C2orf76: variants seen among roughly 807,000 people sequenced by gnomAD.
C2orf76 encodes the protein chromosome 2 open reading frame 76.
C2orf76 carries 23 observed loss-of-function variants against 16.9 expected under a neutral mutation model. The ratio of observed to expected loss-of-function variants is 1.36; its 90% confidence interval spans 0.98 to 1.93. The LOEUF (loss-of-function observed/expected upper bound fraction) is 1.93. Ranked by LOEUF, C2orf76 falls within the 30% of genes most tolerant of loss-of-function variation. The pLI, the probability that C2orf76 is intolerant of heterozygous loss-of-function variation, is 0.00. For synonymous variants in C2orf76, 48 were observed against 52.3 expected (o/e 0.92, Z 0.35); for missense variants, 152 against 152.6 (o/e 1.00, Z 0.02).
intron 1 of C2orf76, among the ~76,000 whole-genome samples, chr2:119,343,475 TACACACACACACAC>T (rs59651595): frequency 7.5e-5 from 11 of 146,060 alleles, no homozygotes; most frequent in East Asian, 2.1e-4. Flanking sequence ...CACCTATACC[TACACACACACACAC>T]ACACACACAC....
At chr2:119,296,909 C>A in the C2orf76 span, among the ~76,000 whole-genome samples, 4,779 of 152,336 alleles carry the variant, frequency 0.031, 92 homozygotes, top group South Asian at 0.079. Flanking sequence ...TAGTGCCCAA[C>A]TCCCTTTGTT....
At chr2:119,296,364 A>G in the C2orf76 span, among the ~76,000 whole-genome samples, 3 of 152,188 alleles carry the variant, frequency 2.0e-5, no homozygotes, top group African/African-American at 7.2e-5. Context: ...ACTGCCCAGA[A>G]CCAATAATCA....
At chr2:119,339,078 C>G (rs1679941900) in intron 2 of C2orf76, 1 of 152,142 alleles carries the variant, frequency 6.6e-6, no homozygotes, top group African/African-American at 2.4e-5. Context: ...CTTGTTCTTG[C>G]AACTTGTCTA....
intron 2 of C2orf76, among the ~76,000 whole-genome samples, chr2:119,325,106 C>G (rs1474781070): frequency 6.6e-6 from 1 of 151,940 alleles, no homozygotes; most frequent in East Asian, 1.9e-4. Context: ...GAGTTCAAGG[C>G]AGGAGGATCG....
At chr2:119,313,994 G>A (rs952598715) in intron 4 of C2orf76, among the ~76,000 whole-genome samples, 1 of 73,252 alleles carries the variant, frequency 1.4e-5, no homozygotes, top group Non-Finnish European at 2.9e-5. Context: ...CTTTTCATTT[G>A]TTCCTTGCTT....
intron 2 of C2orf76, among the ~76,000 whole-genome samples, chr2:119,326,009 C>A (rs1395041682): frequency 1.3e-5 from 2 of 152,150 alleles, no homozygotes; most frequent in Non-Finnish European, 2.9e-5. Flanking sequence ...GTATGTTTTA[C>A]AAATATCTTC....
chr2:119,351,760 A>AG (rs200925129), intron 1 of C2orf76, among the ~76,000 whole-genome samples: 7 of 146,566 alleles, frequency 4.8e-5, no homozygotes, highest in Admixed American at 1.4e-4. Context: ...ATCCTGTCTC[A>AG]AAAAAAAAAA....
intron 4 of C2orf76, among the ~76,000 whole-genome samples, chr2:119,316,327 A>G (rs1679172481): frequency 6.6e-6 from 1 of 152,212 alleles, no homozygotes; most frequent in African/African-American, 2.4e-5. Context: ...TTCACAATGG[A>G]TATTGTAAAA....
chr2:119,300,648 A>AC (rs1283954452), downstream of C2orf76, among the ~76,000 whole-genome samples: 1 of 152,232 alleles, frequency 6.6e-6, no homozygotes, highest in African/African-American at 2.4e-5. Flanking sequence ...CATTTAATAC[A>AC]CCTAACCTAT....
intron 1 of C2orf76, chr2:119,366,238 G>A (rs1017310228): frequency 1.4e-5 from 5 of 370,202 alleles, no homozygotes; most frequent in Non-Finnish European, 2.1e-5. Context: ...AACAGTGCAA[G>A]TTACCCAACA....
chr2:119,366,515 G>GACC (rs1335146689), intron 1 of C2orf76: 1 of 471,494 alleles, frequency 2.1e-6, no homozygotes, highest in African/African-American at 2.0e-5. Flanking sequence ...GCTCATCAGG[G>GACC]ACCATCTCCG....
chr2:119,361,652 A>T (rs1007904351), intron 1 of C2orf76, among the ~76,000 whole-genome samples: 1 of 152,084 alleles, frequency 6.6e-6, no homozygotes, highest in African/African-American at 2.4e-5. Context: ...GCATCCATGG[A>T]TTTTTGGCAT....
At chr2:119,321,947 A>G (rs1469544109) in intron 2 of C2orf76, among the ~76,000 whole-genome samples, 1 of 152,002 alleles carries the variant, frequency 6.6e-6, no homozygotes, top group Non-Finnish European at 1.5e-5. Context: ...ATGATCTAGA[A>G]CAATCTTATT....
At position 119,349,718 on chromosome 2, in the gene C2orf76, G is replaced by T. The variant is rs997380762; in HGVS notation, c.-12-9747C>A. Among the ~76,000 whole-genome samples, 4 of 152,106 alleles carry T rather than the reference G, an allele frequency of 2.6e-5. No individual in the cohort carries two copies. In the East Asian group the frequency reaches 7.7e-4, roughly 29 times the overall value. Reference sequence around the variant, plus strand: ...CCAGCTCAGGGGGCTATCTTCTGCAGGACACCTTTGAGCTGGGCTCCTCCT... The same window carrying T: ...CCAGCTCAGGGGGCTATCTTCTGCATGACACCTTTGAGCTGGGCTCCTCCT... On this transcript the variant is annotated intron_variant, in intron 1 of 5. Transcript: ENST00000334816.
chr2:119,340,040 C>A, intron 1 of C2orf76, 69 bp from the exon 2 acceptor site: 1 of 1,519,970 alleles, frequency 6.6e-7, no homozygotes, highest in South Asian at 1.2e-5. Context: ...ACCTAGCCTG[C>A]ATCTCTATCA....
chr2:119,322,831 T>C (rs1679388351), intron 2 of C2orf76, among the ~76,000 whole-genome samples: 1 of 149,296 alleles, frequency 6.7e-6, no homozygotes, highest in Non-Finnish European at 1.5e-5. Flanking sequence ...TATGGTGGGA[T>C]TTGCTTGTAC....
At chr2:119,295,103 A>C in the C2orf76 span, among the ~76,000 whole-genome samples, 2 of 152,134 alleles carry the variant, frequency 1.3e-5, no homozygotes, top group African/African-American at 4.8e-5. Context: ...GACTACGGCA[A>C]AGGTGTGCCT....
intron 5 of C2orf76, among the ~76,000 whole-genome samples, chr2:119,309,927 T>A (rs996904300): frequency 1.3e-5 from 2 of 152,216 alleles, no homozygotes; most frequent in African/African-American, 2.4e-5. Context: ...ACTTTCTTTT[T>A]AAAAAATTTT....
intron 1 of C2orf76, among the ~76,000 whole-genome samples, chr2:119,342,097 C>T (rs2104609143): frequency 6.6e-6 from 1 of 152,098 alleles, no homozygotes; most frequent in South Asian, 2.1e-4. Context: ...AAACTGGAAA[C>T]AACTGTCCAT....
Sources: allele counts gnomAD v4.1 joint callset (sites outside exome capture counted in the v4.1 genomes callset), GRCh38; gene constraint gnomAD v4.1.1; transcripts MANE v1.5; gene names NCBI Gene and HGNC (gene_info 2026-07-23, HGNC 2026-07-21).